The following THSD7B variants were observed in gnomAD, a reference collection of about 807,000 sequenced individuals.
THSD7B encodes the protein thrombospondin type 1 domain containing 7B.
Under a neutral mutation model 213.6 loss-of-function variants are expected in THSD7B, and 138 were observed. That is an observed-to-expected ratio of 0.65 (90% CI 0.56 to 0.74). THSD7B has a LOEUF of 0.74. Ranked by LOEUF, THSD7B falls within the 30% of genes least tolerant of loss-of-function variation. The pLI, the probability that THSD7B is intolerant of heterozygous loss-of-function variation, is 0.00. For missense variants in THSD7B, 1,931 were observed against 1,991.5 expected, an observed-to-expected ratio of 0.97 and a Z score of 0.58; for synonymous variants, 742 against 687.0, an observed-to-expected ratio of 1.08 and a Z score of -1.25.
intron 1 of THSD7B, among the ~76,000 whole-genome samples, chr2:136,854,264 T>G (rs1683146206): frequency 1.5e-5 from 1 of 65,352 alleles, no homozygotes; most frequent in African/African-American, 6.5e-5. Context: ...CCATATCTGT[T>G]TCTATATGCA....
intron 15 of THSD7B, among the ~76,000 whole-genome samples, chr2:137,476,635 A>G (rs1688199320): frequency 6.6e-6 from 1 of 152,268 alleles, no homozygotes; most frequent in East Asian, 1.9e-4. Context: ...CTATAAATAC[A>G]TCTCAGCTCA....
chr2:137,195,253 C>T (rs867438791), intron 7 of THSD7B, among the ~76,000 whole-genome samples: 64 of 141,962 alleles, frequency 4.5e-4, no homozygotes, highest in African/African-American at 1.4e-3. Flanking sequence ...TATATATATA[C>T]ACACACACAC....
rs755997122 is a variant in THSD7B at position 137,642,639 on chromosome 2, T to A, written c.3945+6T>A. On this transcript the variant is annotated splice_donor_region_variant and intron_variant, in intron 21 of 27. Coordinates refer to ENST00000409968, the MANE Select transcript of THSD7B (RefSeq NM_001316349.2). ...GGTCTGCATGTAAATTGGAGGTAGG[T>A]CATGTAATGACAGTTAGAGAAATAT... 8 of 1,613,100 alleles carry A rather than the reference T, an allele frequency of 5.0e-6. No homozygotes were observed. The highest frequency in any genetic ancestry group is 4.4e-5 in the South Asian group (4 of 90,950).
chr2:136,819,075 T>G (rs1677384570), intron 1 of THSD7B, among the ~76,000 whole-genome samples: 1 of 152,240 alleles, frequency 6.6e-6, no homozygotes. Flanking sequence ...TACTTTGTTT[T>G]GCTTATTTCA....
chr2:137,614,556 T>C (rs905632014), intron 17 of THSD7B, among the ~76,000 whole-genome samples: 3 of 152,172 alleles, frequency 2.0e-5, no homozygotes, highest in African/African-American at 7.2e-5. Flanking sequence ...AAATCATTTG[T>C]TATTATTCTG....
At chr2:137,093,356 A>T (rs1409273486) in intron 3 of THSD7B, among the ~76,000 whole-genome samples, 1 of 152,142 alleles carries the variant, frequency 6.6e-6, no homozygotes, top group Non-Finnish European at 1.5e-5. Context: ...ATCAGTTCTC[A>T]GGAGTTTGGG....
At chr2:137,329,173 C>T (rs757686336) in intron 12 of THSD7B, among the ~76,000 whole-genome samples, 5 of 152,098 alleles carry the variant, frequency 3.3e-5, no homozygotes, top group Non-Finnish European at 7.4e-5. Flanking sequence ...TGGCTTTGAC[C>T]AAAATGCTGA....
intron 1 of THSD7B, among the ~76,000 whole-genome samples, chr2:136,809,988 C>T (rs59840611): frequency 0.014 from 2,080 of 152,198 alleles, 39 homozygotes; most frequent in African/African-American, 0.048. Context: ...CAGGCAGCAC[C>T]CTTTTTGCAG....
At chr2:137,489,967 G>A (rs1301804077) in intron 15 of THSD7B, among the ~76,000 whole-genome samples, 1 of 152,104 alleles carries the variant, frequency 6.6e-6, no homozygotes, top group South Asian at 2.1e-4. Context: ...AGCAACTCAA[G>A]AACAATAGAT....
chr2:137,076,315 GC>G (rs1687621781), intron 3 of THSD7B, among the ~76,000 whole-genome samples: 1 of 152,216 alleles, frequency 6.6e-6, no homozygotes, highest in African/African-American at 2.4e-5. Flanking sequence ...CAGCCTCGCT[GC>G]CGCCTTGCAG....
intron 1 of THSD7B, among the ~76,000 whole-genome samples, chr2:136,785,613 C>G (rs1013680784): frequency 7.2e-5 from 11 of 152,180 alleles, no homozygotes; most frequent in African/African-American, 2.7e-4. Flanking sequence ...GACCAATCGG[C>G]AAACCCAAAA....
intron 15 of THSD7B, among the ~76,000 whole-genome samples, chr2:137,453,228 G>A (rs1404678446): frequency 6.6e-6 from 1 of 150,400 alleles, no homozygotes; most frequent in Admixed American, 6.6e-5. Context: ...AAAATGATGT[G>A]TAATTTATGA....
intron 15 of THSD7B, among the ~76,000 whole-genome samples, chr2:137,492,006 G>A (rs550199884): frequency 1.8e-4 from 27 of 151,776 alleles, no homozygotes; most frequent in African/African-American, 5.6e-4. Flanking sequence ...CTACTAATCT[G>A]GTTTTGGTTT....
intron 17 of THSD7B, among the ~76,000 whole-genome samples, chr2:137,605,591 T>C (rs1299934083): frequency 2.7e-5 from 4 of 145,566 alleles, no homozygotes; most frequent in Middle Eastern, 3.6e-3. Flanking sequence ...AGCAGAGCCA[T>C]AGTGTTAAAA....
intron 2 of THSD7B, among the ~76,000 whole-genome samples, chr2:137,041,643 A>G (rs2104862364): frequency 6.7e-6 from 1 of 148,810 alleles, no homozygotes; most frequent in African/African-American, 2.5e-5. Context: ...ATATTATATA[A>G]TATGTATTTA....
At chr2:137,501,256 G>A (rs987442823) in intron 15 of THSD7B, among the ~76,000 whole-genome samples, 9 of 152,104 alleles carry the variant, frequency 5.9e-5, no homozygotes, top group African/African-American at 1.9e-4. Context: ...TATTCACATA[G>A]TGAAAAGAAG....
intron 2 of THSD7B, among the ~76,000 whole-genome samples, chr2:137,008,750 A>T (rs1573764012): frequency 3.3e-5 from 5 of 152,102 alleles, no homozygotes; most frequent in Non-Finnish European, 5.9e-5. Context: ...AGAGTATAAT[A>T]AAAAAAATCA....
intron 12 of THSD7B, among the ~76,000 whole-genome samples, chr2:137,355,612 A>G (rs1169723658): frequency 6.6e-6 from 1 of 152,214 alleles, no homozygotes; most frequent in Non-Finnish European, 1.5e-5. Context: ...GCAATTCCCA[A>G]TTCAAGAGTG....
chr2:137,554,041 T>C (rs924153906), intron 15 of THSD7B, among the ~76,000 whole-genome samples: 5 of 140,314 alleles, frequency 3.6e-5, no homozygotes, highest in South Asian at 2.4e-4. Context: ...TTTTTTTTTT[T>C]CAGCAAGAAA....
Sources: gnomAD v4.1 joint callset for allele counts (sites outside exome capture counted in the v4.1 genomes callset) on GRCh38, gnomAD v4.1.1 for gene constraint, MANE v1.5 for transcripts, NCBI Gene and HGNC (gene_info 2026-07-23, HGNC 2026-07-21) for gene names.